Variants in ASIC2 observed in about 807,000 individuals in gnomAD.
ASIC2 encodes the protein acid-sensing ion channel 2.
A neutral mutation model predicts 57.3 loss-of-function variants in ASIC2; 25 were observed. That is an observed-to-expected ratio of 0.44 (90% CI 0.32 to 0.61). The LOEUF (loss-of-function observed/expected upper bound fraction) is 0.61, where lower values mean the gene tolerates loss of function less well. ASIC2 is among the 20% of genes least tolerant of loss of function. The pLI, the probability that ASIC2 is intolerant of heterozygous loss-of-function variation, is 0.06. For missense variants in ASIC2, 641 were observed against 738.1 expected (o/e 0.87, Z 1.52); for synonymous variants, 319 against 307.5 (o/e 1.04, Z -0.39).
At chr17:33,298,837 C>G (rs889091884) in intron 1 of ASIC2, among the ~76,000 whole-genome samples, 2 of 152,196 alleles carry the variant, frequency 1.3e-5, no homozygotes, top group African/African-American at 4.8e-5. Context: ...CTCCCATTCA[C>G]AATTGCTTCA....
At chr17:33,023,214 G>A (rs4614781) in intron 6 of ASIC2, among the ~76,000 whole-genome samples, 1,957 of 152,274 alleles carry the variant, frequency 0.013, 40 homozygotes, top group African/African-American at 0.045. Context: ...TGGGCCAGGC[G>A]CGGTGGCTCA....
intron 1 of ASIC2, among the ~76,000 whole-genome samples, chr17:33,190,238 T>C (rs1036911634): frequency 6.6e-6 from 1 of 152,296 alleles, no homozygotes; most frequent in African/African-American, 2.4e-5. Context: ...CAATATAGTA[T>C]AATGGGTTCA....
chr17:33,501,568 T>C (rs1914102049), intron 1 of ASIC2, among the ~76,000 whole-genome samples: 2 of 152,238 alleles, frequency 1.3e-5, no homozygotes, highest in African/African-American at 4.8e-5. Context: ...AAATGTTTCC[T>C]AAAATGTATT....
At chr17:33,531,460 C>T (rs1915049179) in intron 1 of ASIC2, among the ~76,000 whole-genome samples, 1 of 152,176 alleles carries the variant, frequency 6.6e-6, no homozygotes, top group Non-Finnish European at 1.5e-5. Context: ...GGCGTTCGAC[C>T]TTGCAGAGGC....
chr17:34,059,231 C>A (rs1010892890), intron 1 of ASIC2, among the ~76,000 whole-genome samples: 1 of 152,152 alleles, frequency 6.6e-6, no homozygotes, highest in African/African-American at 2.4e-5. Flanking sequence ...AAACACACAC[C>A]CCCACTGGAG....
chr17:33,144,818 A>G (rs543100386), intron 1 of ASIC2, among the ~76,000 whole-genome samples: 2 of 152,158 alleles, frequency 1.3e-5, no homozygotes, highest in Admixed American at 1.3e-4. Flanking sequence ...ATGTACCTAG[A>G]CCCCTACCCT....
At chr17:33,368,557 A>G (rs1384373366) in intron 1 of ASIC2, among the ~76,000 whole-genome samples, 1 of 152,174 alleles carries the variant, frequency 6.6e-6, no homozygotes, top group Admixed American at 6.5e-5. Context: ...TTTCTTATGC[A>G]GCATTAGATA....
intron 3 of ASIC2, among the ~76,000 whole-genome samples, chr17:33,053,096 G>A (rs2091983731): frequency 1.3e-5 from 2 of 152,284 alleles, no homozygotes; most frequent in South Asian, 4.1e-4. Context: ...TATTGTATTA[G>A]TGTTAAACCA....
chr17:34,130,821 A>C (rs1468650155), intron 1 of ASIC2, among the ~76,000 whole-genome samples: 3 of 152,250 alleles, frequency 2.0e-5, no homozygotes, highest in African/African-American at 7.2e-5. Context: ...AAATGAAAAG[A>C]TGGGTTTCAG....
chr17:34,037,907 C>A (rs1478806443), intron 1 of ASIC2: 62 of 1,613,712 alleles, frequency 3.8e-5, no homozygotes, highest in Non-Finnish European at 5.0e-5. Context: ...AAAAGGCTTC[C>A]TTCCATAAAG....
At chr17:33,836,230 G>A (rs1439357944) in intron 1 of ASIC2, among the ~76,000 whole-genome samples, 1 of 146,584 alleles carries the variant, frequency 6.8e-6, no homozygotes, top group Non-Finnish European at 1.5e-5. Context: ...CAATTCTCAT[G>A]CCTCCCAGGT....
chr17:33,572,607 G>A (rs867604477), intron 1 of ASIC2, among the ~76,000 whole-genome samples: 38 of 152,240 alleles, frequency 2.5e-4, no homozygotes, highest in East Asian at 7.7e-4. Flanking sequence ...GTGAGCTCCC[G>A]CCTCCAGACT....
chr17:33,617,295 A>G (rs1905638780), intron 1 of ASIC2, among the ~76,000 whole-genome samples: 1 of 152,242 alleles, frequency 6.6e-6, no homozygotes, highest in African/African-American at 2.4e-5. Flanking sequence ...TGGTACATAT[A>G]TACTGTGGAA....
At chr17:33,346,077 A>C (rs1008293325) in intron 1 of ASIC2, among the ~76,000 whole-genome samples, 1 of 151,890 alleles carries the variant, frequency 6.6e-6, no homozygotes, top group African/African-American at 2.4e-5. Flanking sequence ...AAATACAAAA[A>C]TTAGTCAGGC....
intron 1 of ASIC2, among the ~76,000 whole-genome samples, chr17:33,715,250 C>T (rs537999884): frequency 6.6e-6 from 1 of 152,298 alleles, no homozygotes; most frequent in South Asian, 2.1e-4. Context: ...GATCCTCGCA[C>T]CTCAGCCTCA....
chr17:33,924,878 C>T (rs1340509449), intron 1 of ASIC2, among the ~76,000 whole-genome samples: 1 of 152,228 alleles, frequency 6.6e-6, no homozygotes, highest in Admixed American at 6.5e-5. Context: ...GGAAGAAGAG[C>T]AAGCTTCGTG....
At chr17:33,028,014 AC>A (rs2091866054) in intron 4 of ASIC2, among the ~76,000 whole-genome samples, 2 of 152,370 alleles carry the variant, frequency 1.3e-5, no homozygotes, top group Admixed American at 6.5e-5. Context: ...ACTGGGATGA[AC>A]ATTCCCCAAA....
intron 1 of ASIC2, among the ~76,000 whole-genome samples, chr17:33,366,342 C>T (rs1334550871): frequency 6.6e-6 from 1 of 152,224 alleles, no homozygotes; most frequent in Non-Finnish European, 1.5e-5. Flanking sequence ...TCTCCGGTCT[C>T]ATCTCCTTCC....
intron 1 of ASIC2, among the ~76,000 whole-genome samples, chr17:33,569,967 C>A (rs943294127): frequency 6.6e-6 from 1 of 152,096 alleles, no homozygotes; most frequent in African/African-American, 2.4e-5. Flanking sequence ...TTTTTCTCCT[C>A]TCCTTTTCTC....
Sources: gnomAD v4.1 joint callset for allele counts (sites outside exome capture counted in the v4.1 genomes callset) on GRCh38, gnomAD v4.1.1 for gene constraint, MANE v1.5 for transcripts, NCBI Gene and HGNC (gene_info 2026-07-23, HGNC 2026-07-21) for gene names.